CTNNA3: variants seen among roughly 807,000 people sequenced by gnomAD.
CTNNA3 encodes catenin alpha-3.
Under a neutral mutation model 95.7 loss-of-function variants are expected in CTNNA3, and 76 were observed. The ratio of observed to expected loss-of-function variants is 0.79; its 90% confidence interval spans 0.66 to 0.96. The LOEUF is 0.96. CTNNA3 is among the 40% of genes least tolerant of loss of function. The probability of loss-of-function intolerance (pLI) is 0.00; values close to 1 mark genes in which losing one functional copy is unlikely to be tolerated. For missense variants in CTNNA3, 1,191 were observed against 1,089.8 expected (o/e 1.09, Z -1.31); for synonymous variants, 431 against 374.4 (o/e 1.15, Z -1.74).
intron 13 of CTNNA3, among the ~76,000 whole-genome samples, chr10:66,125,424 A>C (rs2133829774): frequency 6.6e-6 from 1 of 152,324 alleles, no homozygotes; most frequent in African/African-American, 2.4e-5. Context: ...TGTATATTGC[A>C]AACTCTAGGG....
At position 67,016,382 on chromosome 10, in the gene CTNNA3, G is replaced by A. The variant is rs544719611; in HGVS notation, c.1047+163935C>T. Among the ~76,000 whole-genome samples the A allele has an allele frequency of 2.6e-5, 4 of 152,156 alleles. No homozygotes were observed. The East Asian group carries it at 7.7e-4, about 29-fold the overall frequency. ...GTTCTTCCCTCGTTTCTTTTTGTTT[G>A]TTTGTTTTATTTAAGGAGTTTGCAT... On this transcript the variant is annotated intron_variant, in intron 7 of 17. Coordinates refer to ENST00000433211, the MANE Select transcript of CTNNA3 (RefSeq NM_013266.4).
intron 14 of CTNNA3, 110 bp from the exon 15 acceptor site, chr10:66,069,599 G>T: frequency 1.4e-6 from 1 of 730,544 alleles, no homozygotes; most frequent in Non-Finnish European, 2.2e-6. Flanking sequence ...AAAATCAGAG[G>T]CACAATATAG....
chr10:67,533,004 CT>C (rs1467375022), intron 4 of CTNNA3, among the ~76,000 whole-genome samples: 1 of 152,122 alleles, frequency 6.6e-6, no homozygotes, highest in Non-Finnish European at 1.5e-5. Flanking sequence ...AACCTATTTT[CT>C]TCCAAATAAA....
intron 7 of CTNNA3, among the ~76,000 whole-genome samples, chr10:67,044,348 C>T (rs1254537268): frequency 1.3e-5 from 2 of 152,126 alleles, no homozygotes; most frequent in African/African-American, 4.8e-5. Flanking sequence ...GTTTATTTCT[C>T]ATAGGATTTT....
At chr10:66,399,732 TG>T (rs1444081596) in intron 11 of CTNNA3, among the ~76,000 whole-genome samples, 3 of 152,020 alleles carry the variant, frequency 2.0e-5, no homozygotes, top group Non-Finnish European at 4.4e-5. Context: ...TTATATGTAG[TG>T]AATTTAATCA....
At chr10:65,941,488 T>G (rs1203730350) in intron 17 of CTNNA3, among the ~76,000 whole-genome samples, 1 of 152,212 alleles carries the variant, frequency 6.6e-6, no homozygotes, top group Admixed American at 6.5e-5. Flanking sequence ...GCTACCCACG[T>G]GATTCCCATG....
At chr10:66,757,708 T>A (rs189450435) in intron 9 of CTNNA3, among the ~76,000 whole-genome samples, 5 of 152,280 alleles carry the variant, frequency 3.3e-5, no homozygotes, top group African/African-American at 1.2e-4. Flanking sequence ...TTCAGAAAGG[T>A]TTCTCCTCTC....
chr10:66,997,286 A>G (rs1391340124), intron 7 of CTNNA3, among the ~76,000 whole-genome samples: 4 of 152,210 alleles, frequency 2.6e-5, no homozygotes, highest in Non-Finnish European at 5.9e-5. Context: ...ACAATCTCTT[A>G]TAAAAATGAA....
intron 7 of CTNNA3, among the ~76,000 whole-genome samples, chr10:66,935,812 T>C (rs1847664617): frequency 6.6e-6 from 1 of 151,874 alleles, no homozygotes; most frequent in Non-Finnish European, 1.5e-5. Flanking sequence ...AACAGAGCCC[T>C]TTATATTGAG....
intron 15 of CTNNA3, among the ~76,000 whole-genome samples, chr10:66,014,040 TAA>T: frequency 6.6e-6 from 1 of 152,146 alleles, no homozygotes; most frequent in Non-Finnish European, 1.5e-5. Context: ...TGTGAAGGAA[TAA>T]AAGTCTTCTA....
intron 7 of CTNNA3, among the ~76,000 whole-genome samples, chr10:66,826,812 A>C (rs987692525): frequency 6.6e-6 from 1 of 152,180 alleles, no homozygotes; most frequent in African/African-American, 2.4e-5. Context: ...TATAATGCCA[A>C]TTATATGTCA....
intron 7 of CTNNA3, among the ~76,000 whole-genome samples, chr10:67,087,970 T>C (rs1192657336): frequency 6.6e-6 from 1 of 152,002 alleles, no homozygotes; most frequent in Non-Finnish European, 1.5e-5. Context: ...AAAAAGGTTA[T>C]GGTCTAATAT....
chr10:67,118,790 G>A (rs1436039438), intron 7 of CTNNA3, among the ~76,000 whole-genome samples: 3 of 151,636 alleles, frequency 2.0e-5, no homozygotes, highest in Non-Finnish European at 3.0e-5. Flanking sequence ...CTCAATCCTA[G>A]TCCATATAAA....
rs397730489 is a variant in CTNNA3, at chr10:66,227,388, T to TC, written c.1884+53081dup. On this transcript the variant is annotated intron_variant, in intron 13 of 17. Coordinates refer to ENST00000433211, the MANE Select transcript of CTNNA3 (RefSeq NM_013266.4). ...TTGTTAAGAGGTGTTTTTTTTTTTT[T>TC]CATGAGGTAATGTTGAATTTTATCA... Among the ~76,000 whole-genome samples, 119 of 151,864 alleles carry TC rather than the reference T, an allele frequency of 7.8e-4. 1 individual carries two copies. The South Asian group carries it at 9.4e-3, about 12-fold the overall frequency.
At chr10:67,611,377 G>A (rs146102179) in intron 2 of CTNNA3, among the ~76,000 whole-genome samples, 1 of 151,618 alleles carries the variant, frequency 6.6e-6, no homozygotes, top group African/African-American at 2.4e-5. Context: ...GCCGTGGCAC[G>A]ATCTCCGTTC....
chr10:66,214,431 T>C (rs973348498), intron 13 of CTNNA3, among the ~76,000 whole-genome samples: 3 of 152,210 alleles, frequency 2.0e-5, no homozygotes, highest in Admixed American at 2.0e-4. Flanking sequence ...TTTGTGATTG[T>C]ATATTGAATC....
At chr10:67,437,583 C>T (rs1388368304) in intron 5 of CTNNA3, among the ~76,000 whole-genome samples, 2 of 151,988 alleles carry the variant, frequency 1.3e-5, no homozygotes, top group African/African-American at 4.8e-5. Context: ...GTAGGAACTA[C>T]AACCTATGTA....
chr10:67,078,774 C>A (rs773029049), intron 7 of CTNNA3, among the ~76,000 whole-genome samples: 1 of 152,118 alleles, frequency 6.6e-6, no homozygotes, highest in Non-Finnish European at 1.5e-5. Flanking sequence ...CCTCGGCCCC[C>A]CAACGTGCTG....
chr10:66,131,955 G>A (rs2083124854), intron 13 of CTNNA3, among the ~76,000 whole-genome samples: 1 of 152,054 alleles, frequency 6.6e-6, no homozygotes, highest in South Asian at 2.1e-4. Context: ...AACCTTGGAA[G>A]AAACCTAGGC....
Sources: allele counts gnomAD v4.1 joint callset (sites outside exome capture counted in the v4.1 genomes callset), GRCh38; gene constraint gnomAD v4.1.1; transcripts MANE v1.5; gene names NCBI Gene and HGNC (gene_info 2026-07-23, HGNC 2026-07-21).